The following COL4A1 variants were observed in gnomAD, a reference collection of about 807,000 sequenced individuals.
COL4A1 encodes the protein collagen type IV alpha 1 chain, also known as collagen alpha-1(IV) chain.
Under a neutral mutation model 216.6 loss-of-function variants are expected in COL4A1, and 40 were observed. That is an observed-to-expected ratio of 0.18 (90% CI 0.14 to 0.24). COL4A1 has a LOEUF of 0.24. Ranked by LOEUF, COL4A1 falls within the 10% of genes least tolerant of loss-of-function variation. The probability of loss-of-function intolerance (pLI) is 1.00; values close to 1 mark genes in which losing one functional copy is unlikely to be tolerated. For missense variants in COL4A1, 1,628 were observed against 2,196.8 expected (o/e 0.74, Z 5.18); for synonymous variants, 839 against 810.7 (o/e 1.03, Z -0.59).
chr13:110,233,111 T>C (rs1023608017), intron 2 of COL4A1, among the ~76,000 whole-genome samples: 16 of 152,174 alleles, frequency 1.1e-4, no homozygotes, highest in African/African-American at 3.6e-4. Context: ...GGGGCTTTTC[T>C]AGGGTACATT....
chr13:110,207,391 G>A lies in COL4A1; in HGVS notation c.780+12C>T. 6.2e-7 allele frequency: 1 copy of A among 1,603,126 alleles called. No homozygotes were observed. Among genetic ancestry groups the A allele is most frequent in the Non-Finnish European group, 8.5e-7 (1 of 1,170,042 alleles). ...TAGAAAATCAGTATTCACTGATGAA[G>A]CCCACTCATACCTTTTCTCCCTTGG... On this transcript the variant is annotated intron_variant, in intron 13 of 51. Transcript: ENST00000375820. The surrounding 1 kb of genome is among the most constrained non-coding windows in gnomAD (Gnocchi z 4.4).
At chr13:110,242,365 C>T (rs1156835892) in intron 2 of COL4A1, among the ~76,000 whole-genome samples, 1 of 152,186 alleles carries the variant, frequency 6.6e-6, no homozygotes, top group Non-Finnish European at 1.5e-5. Context: ...AGTTCTTATA[C>T]ATCAATTCGA....
At chr13:110,285,648 G>T (rs1183341709) in intron 1 of COL4A1, among the ~76,000 whole-genome samples, 1 of 152,144 alleles carries the variant, frequency 6.6e-6, no homozygotes, top group Non-Finnish European at 1.5e-5. Flanking sequence ...AGAGTAGGCT[G>T]GTCTCACTCA....
chr13:110,219,842 ATGTGTATATATATGTATATATG>A (rs1880347242), intron 2 of COL4A1, among the ~76,000 whole-genome samples: 1 of 54,828 alleles, frequency 1.8e-5, no homozygotes, highest in Non-Finnish European at 4.0e-5. Context: ...GTATGTATAT[ATGTGTATATATATGTATATATG>A]TGTGTGTATA....
chr13:110,259,184 C>A (rs531618426), intron 1 of COL4A1, among the ~76,000 whole-genome samples: 30 of 152,188 alleles, frequency 2.0e-4, no homozygotes, highest in Non-Finnish European at 4.0e-4. Flanking sequence ...CAATACTCTC[C>A]AGACCTTGTT....
intron 1 of COL4A1, among the ~76,000 whole-genome samples, chr13:110,259,973 A>AGGCT (rs943937795): frequency 2.0e-5 from 3 of 152,142 alleles, no homozygotes; most frequent in Non-Finnish European, 4.4e-5. Context: ...GTTACTCTGA[A>AGGCT]GGCTGCTGTA....
In COL4A1 at chr13:110,234,632, T is replaced by C. The variant is rs575148254; in HGVS notation, c.144+8043A>G. ...GGGCGTTCAAATAAGTGTGGGGAACTGTATATGACGCAGCACCCACGGAAG... is the reference window on the plus strand; with the variant it reads ...GGGCGTTCAAATAAGTGTGGGGAACCGTATATGACGCAGCACCCACGGAAG... On this transcript the variant is annotated intron_variant, in intron 2 of 51. Coordinates refer to ENST00000375820, the MANE Select transcript of COL4A1 (RefSeq NM_001845.6). 9.2e-5 allele frequency among the ~76,000 whole-genome samples: 14 copies of C among 152,152 alleles called. No individual in the cohort carries two copies. The South Asian group carries it at 2.7e-3, about 29-fold the overall frequency.
intron 1 of COL4A1, among the ~76,000 whole-genome samples, chr13:110,285,973 C>A (rs1394078528): frequency 6.6e-6 from 1 of 152,150 alleles, no homozygotes; most frequent in Non-Finnish European, 1.5e-5. Flanking sequence ...CTTGGTTAGA[C>A]CCTCTGGAAA....
chr13:110,170,759 A>G, intron 41 of COL4A1, 27 bp from the exon 42 acceptor site: 1 of 1,612,638 alleles, frequency 6.2e-7, no homozygotes, highest in South Asian at 1.1e-5. Flanking sequence ...GTTTGAGGTG[A>G]TGGGAAACGC....
intron 2 of COL4A1, among the ~76,000 whole-genome samples, chr13:110,215,452 T>C (rs1042540618): frequency 1.3e-5 from 2 of 151,350 alleles, no homozygotes; most frequent in African/African-American, 4.9e-5. Flanking sequence ...TCTCAGTTAC[T>C]CAGGAGGCTG....
intron 2 of COL4A1, among the ~76,000 whole-genome samples, chr13:110,217,062 C>T (rs1480526223): frequency 6.6e-6 from 1 of 152,196 alleles, no homozygotes; most frequent in African/African-American, 2.4e-5. Context: ...CCATTCCCCA[C>T]ATATTTTTTT....
chr13:110,256,215 C>T (rs1406587919), intron 1 of COL4A1, among the ~76,000 whole-genome samples: 1 of 152,080 alleles, frequency 6.6e-6, no homozygotes, highest in Non-Finnish European at 1.5e-5. Flanking sequence ...TCCTGGGCCC[C>T]AAGCGACAGG....
intron 28 of COL4A1, among the ~76,000 whole-genome samples, chr13:110,181,796 A>G (rs1351366778): frequency 2.0e-5 from 3 of 152,184 alleles, no homozygotes; most frequent in African/African-American, 4.8e-5. Context: ...CCAGGGGTCT[A>G]TAAGGCAGGC....
chr13:110,235,838 G>C (rs1034528915), intron 2 of COL4A1, among the ~76,000 whole-genome samples: 5 of 152,022 alleles, frequency 3.3e-5, no homozygotes, highest in African/African-American at 1.2e-4. Flanking sequence ...CTCTGTCCTT[G>C]TATATTTTAA....
intron 1 of COL4A1, among the ~76,000 whole-genome samples, chr13:110,247,908 CTGA>C (rs1308266689): frequency 6.6e-6 from 1 of 150,704 alleles, no homozygotes; most frequent in Non-Finnish European, 1.5e-5. Context: ...GACATGTCTT[CTGA>C]TGAAGGCATA....
intron 2 of COL4A1, among the ~76,000 whole-genome samples, chr13:110,238,902 G>A (rs571820751): frequency 5.2e-4 from 79 of 152,238 alleles, no homozygotes; most frequent in Admixed American, 2.4e-3. Flanking sequence ...CAAAAGAAGA[G>A]CTTAACTTTT....
chr13:110,192,414 A>G (rs1173386272), intron 23 of COL4A1, 130 bp from the exon 24 acceptor site: 2 of 892,276 alleles, frequency 2.2e-6, no homozygotes, highest in African/African-American at 3.3e-5. Context: ...ATCCAAAGAG[A>G]GTAATAACTA....
chr13:110,200,245 C>T (rs1004606937), intron 20 of COL4A1, among the ~76,000 whole-genome samples: 1 of 152,240 alleles, frequency 6.6e-6, no homozygotes, highest in Non-Finnish European at 1.5e-5. Context: ...CGTGGACACA[C>T]GTGCATCTGC....
intron 2 of COL4A1, among the ~76,000 whole-genome samples, chr13:110,237,905 G>A (rs937036700): frequency 2.0e-5 from 3 of 152,176 alleles, no homozygotes; most frequent in Non-Finnish European, 2.9e-5. Flanking sequence ...AGCCATACAC[G>A]ACATTAAACT....
Sources: gnomAD v4.1 joint callset for allele counts (sites outside exome capture counted in the v4.1 genomes callset) on GRCh38, gnomAD v4.1.1 for gene constraint, Gnocchi (gnomAD v3.1) non-coding constraint, MANE v1.5 for transcripts, NCBI Gene and HGNC (gene_info 2026-07-23, HGNC 2026-07-21) for gene names.